Variants in NOX3 observed in about 807,000 individuals in gnomAD.
NOX3 encodes the protein NADPH oxidase 3.
In NOX3, 74 loss-of-function variants were observed where a neutral mutation model predicts 76.7. The ratio of observed to expected loss-of-function variants is 0.96; its 90% CI spans 0.80 to 1.17. The LOEUF is 1.17. Among genes scored for constraint, NOX3 ranks in the 50% most tolerant of loss-of-function variants. NOX3 has a pLI of 0.00. For synonymous variants in NOX3, 263 were observed against 261.1 expected, an observed-to-expected ratio of 1.01 and a Z score of -0.07; for missense variants, 695 against 703.3, an observed-to-expected ratio of 0.99 and a Z score of 0.13.
At chr6:155,408,984 A>G (rs1248703694) in intron 11 of NOX3, among the ~76,000 whole-genome samples, 1 of 152,168 alleles carries the variant, frequency 6.6e-6, no homozygotes. Flanking sequence ...GTGAGGGTTG[A>G]CAAAGAACCT....
At chr6:155,416,688 T>A (rs533575731) in intron 10 of NOX3, among the ~76,000 whole-genome samples, 1 of 151,950 alleles carries the variant, frequency 6.6e-6, no homozygotes. Context: ...TGGGCCTCCG[T>A]TTGGTCTAAT....
chr6:155,424,168 T>C (rs1245850803), intron 9 of NOX3, among the ~76,000 whole-genome samples: 1 of 152,190 alleles, frequency 6.6e-6, no homozygotes, highest in Admixed American at 6.5e-5. Context: ...TCCCCTCTTA[T>C]ATAATTTATA....
chr6:155,428,770 T>C (rs1195152849), intron 9 of NOX3, 24 bp downstream of exon 9: 1 of 1,470,296 alleles, frequency 6.8e-7, no homozygotes, highest in Non-Finnish European at 9.0e-7. Flanking sequence ...CTGCAATTTA[T>C]ACATGAGAGA....
chr6:155,411,147 G>T, intron 11 of NOX3, 67 bp downstream of exon 11: 1 of 1,394,688 alleles, frequency 7.2e-7, no homozygotes, highest in South Asian at 1.3e-5. Flanking sequence ...GCTCATTATT[G>T]AAATTGTTCC....
chr6:155,395,837 A>G (rs1384066311), intron 13 of NOX3, among the ~76,000 whole-genome samples: 1 of 152,170 alleles, frequency 6.6e-6, no homozygotes, highest in Non-Finnish European at 1.5e-5. Context: ...GCAGAAGTTG[A>G]GTAGGAGTAT....
intron 12 of NOX3, among the ~76,000 whole-genome samples, chr6:155,404,805 C>T (rs1392846005): frequency 2.0e-5 from 3 of 152,082 alleles, no homozygotes; most frequent in African/African-American, 7.2e-5. Context: ...TCACAGAGCA[C>T]AGGGCAGTTG....
At chr6:155,453,068 G>C (rs1030604550) in intron 4 of NOX3, among the ~76,000 whole-genome samples, 2 of 152,074 alleles carry the variant, frequency 1.3e-5, no homozygotes, top group Non-Finnish European at 2.9e-5. Flanking sequence ...ATTTTGAACA[G>C]AGGTCAATTT....
At chr6:155,442,024 G>C (rs1776994826) in intron 5 of NOX3, among the ~76,000 whole-genome samples, 1 of 152,174 alleles carries the variant, frequency 6.6e-6, no homozygotes, top group Non-Finnish European at 1.5e-5. Flanking sequence ...CAGCACTTTG[G>C]GAGGCCGAGG....
chr6:155,421,068 C>T (rs1264714714), intron 10 of NOX3, among the ~76,000 whole-genome samples: 1 of 152,114 alleles, frequency 6.6e-6, no homozygotes, highest in Non-Finnish European at 1.5e-5. Flanking sequence ...TTGATGACAG[C>T]AAAATTCAGG....
chr6:155,424,749 T>C (rs1776735066), intron 9 of NOX3, among the ~76,000 whole-genome samples: 1 of 152,194 alleles, frequency 6.6e-6, no homozygotes, highest in South Asian at 2.1e-4. Flanking sequence ...CCACTGTAGA[T>C]TATTCCATAA....
chr6:155,412,229 A>G (rs949644561), intron 10 of NOX3, among the ~76,000 whole-genome samples: 17 of 152,078 alleles, frequency 1.1e-4, no homozygotes, highest in African/African-American at 4.1e-4. Flanking sequence ...TCTTGATTCC[A>G]GCTGCTGCCT....
intron 10 of NOX3, among the ~76,000 whole-genome samples, chr6:155,412,900 A>T (rs1776573171): frequency 1.3e-5 from 2 of 152,248 alleles, no homozygotes; most frequent in South Asian, 2.1e-4. Flanking sequence ...GGGAGAAGGA[A>T]GATGATAGAT....
intron 5 of NOX3, among the ~76,000 whole-genome samples, chr6:155,441,281 A>G (rs1486400161): frequency 7.3e-6 from 1 of 136,268 alleles, no homozygotes; most frequent in African/African-American, 3.1e-5. Flanking sequence ...TCTGGAGGTA[A>G]TTCGGACAGG....
In NOX3 at chr6:155,428,443, A is replaced by C. The variant is rs183421289; in HGVS notation, c.1145+351T>G. Among the ~76,000 whole-genome samples, 205 of 152,224 alleles carry C rather than the reference A, an allele frequency of 1.3e-3. 1 individual carries two copies. Among genetic ancestry groups the C allele is most frequent in the Non-Finnish European group, 1.7e-3 (114 of 68,016 alleles). On this transcript the variant is annotated intron_variant, in intron 9 of 13. Coordinates refer to ENST00000159060, the MANE Select transcript of NOX3 (RefSeq NM_015718.3). Reference sequence around the variant, plus strand: ...TGACTTTACAAATACAATAAAAAAAACTCAGACTGTGATAGAAAAAAATGC... The same window carrying C: ...TGACTTTACAAATACAATAAAAAAACCTCAGACTGTGATAGAAAAAAATGC...
At chr6:155,450,918 C>T (rs140608581) in intron 4 of NOX3, among the ~76,000 whole-genome samples, 46 of 152,256 alleles carry the variant, frequency 3.0e-4, no homozygotes, top group African/African-American at 1.0e-3. Flanking sequence ...AGTGAATAAC[C>T]CTGTATTCTG....
intron 10 of NOX3, 122 bp from the exon 11 acceptor site, chr6:155,411,482 CTT>C: frequency 1.2e-6 from 1 of 818,030 alleles, no homozygotes; most frequent in Non-Finnish European, 1.8e-6. Context: ...AAATAACATG[CTT>C]TTTTTTGTGT....
At chr6:155,416,781 C>T (rs1217663981) in intron 10 of NOX3, among the ~76,000 whole-genome samples, 3 of 122,120 alleles carry the variant, frequency 2.5e-5, no homozygotes, top group East Asian at 5.1e-4. Flanking sequence ...GACGGAGTCT[C>T]GCGCTATCCT....
intron 4 of NOX3, among the ~76,000 whole-genome samples, chr6:155,445,979 TGCTATATATATATATATA>T (rs1562472140): frequency 2.4e-4 from 16 of 67,454 alleles, no homozygotes; most frequent in Middle Eastern, 7.2e-3. Context: ...AATATATATA[TGCTATATATATATATATA>T]ATATATATAT....
chr6:155,452,425 C>G (rs906003012), intron 4 of NOX3, among the ~76,000 whole-genome samples: 14 of 152,142 alleles, frequency 9.2e-5, no homozygotes, highest in Non-Finnish European at 4.4e-5. Context: ...GACACGATGT[C>G]TTTTTACTCT....
Sources: allele counts gnomAD v4.1 joint callset (sites outside exome capture counted in the v4.1 genomes callset), GRCh38; gene constraint gnomAD v4.1.1; transcripts MANE v1.5; gene names NCBI Gene and HGNC (gene_info 2026-07-23, HGNC 2026-07-21).